Variants in CACNA1E observed in about 807,000 individuals in gnomAD.
CACNA1E encodes the protein voltage-dependent R-type calcium channel subunit alpha-1E.
Under a neutral mutation model 259.2 loss-of-function variants are expected in CACNA1E, and 40 were observed. That is an observed-to-expected ratio of 0.15 (90% confidence interval 0.12 to 0.20). CACNA1E has a LOEUF of 0.20. CACNA1E is among the 10% of genes least tolerant of loss of function. CACNA1E has a pLI of 1.00. For missense variants in CACNA1E, 1,874 were observed against 3,040.1 expected (o/e 0.62, Z 9.02); for synonymous variants, 1,104 against 1,138.5 (o/e 0.97, Z 0.61).
In CACNA1E at chr1:181,609,549, A is replaced by G. The variant is rs150000757; in HGVS notation, c.951+28773A>G. Among the ~76,000 whole-genome samples the G allele has an allele frequency of 3.3e-5, 5 of 152,274 alleles. No individual in the cohort carries two copies. The East Asian group carries it at 9.7e-4, about 29-fold the overall frequency. On this transcript the variant is annotated intron_variant, in intron 6 of 47. Coordinates refer to ENST00000367573, the MANE Select transcript of CACNA1E (RefSeq NM_001205293.3). ...AAGAGAAGGAAAAGAACAGAGTGAAAAGGCACACCGGTTTCAGTGTGGCAG... is the reference window on the plus strand; with the variant it reads ...AAGAGAAGGAAAAGAACAGAGTGAAGAGGCACACCGGTTTCAGTGTGGCAG...
rs141269509 is a variant in CACNA1E, at chr1:181,466,061, T to G, written c.435-17683T>G. On this transcript the variant is annotated intron_variant, in intron 2 of 11. Transcript: ENST00000524607. ...GAGTTTTGATTTCTCAGGGTTTTGC[T>G]TTTTCTCATTCACTCAGAGACAGAA... 1.3e-4 allele frequency among the ~76,000 whole-genome samples: 20 copies of G among 152,366 alleles called. No homozygotes were observed. In the East Asian group the frequency reaches 3.7e-3, roughly 28 times the overall value.
At chr1:181,609,019 G>T (rs1017907463) in intron 6 of CACNA1E, among the ~76,000 whole-genome samples, 2 of 152,170 alleles carry the variant, frequency 1.3e-5, no homozygotes, top group African/African-American at 4.8e-5. Flanking sequence ...CCAGAGCTGG[G>T]CCCCCAGTAT....
intron 6 of CACNA1E, among the ~76,000 whole-genome samples, chr1:181,625,598 G>A (rs1656126782): frequency 6.6e-6 from 1 of 152,134 alleles, no homozygotes; most frequent in Non-Finnish European, 1.5e-5. Flanking sequence ...AGCCTTCACA[G>A]AATTGAGGAG....
In CACNA1E at chr1:181,518,550, G is replaced by A. The variant is rs189896098; in HGVS notation, c.512+7040G>A. 1.6e-3 allele frequency among the ~76,000 whole-genome samples: 251 copies of A among 152,328 alleles called. 2 individuals carry two copies. Among genetic ancestry groups the A allele is most frequent in the African/African-American group, 5.4e-3 (224 of 41,570 alleles). ...CAAAAGACAAAATGTGAAGCTTAAAGGTCTCTTCTTAGCTCTGTGCTGCTG... is the reference window on the plus strand; with the variant it reads ...CAAAAGACAAAATGTGAAGCTTAAAAGTCTCTTCTTAGCTCTGTGCTGCTG... On this transcript the variant is annotated intron_variant, in intron 3 of 47. Transcript: ENST00000367573.
intron 3 of CACNA1E, among the ~76,000 whole-genome samples, chr1:181,553,081 T>G (rs994473180): frequency 2.0e-5 from 3 of 152,232 alleles, no homozygotes; most frequent in Non-Finnish European, 4.4e-5. Flanking sequence ...ATCTAGAAAT[T>G]ACTTTGGGCA....
chr1:181,623,526 T>G (rs529474665), intron 6 of CACNA1E, among the ~76,000 whole-genome samples: 2 of 152,308 alleles, frequency 1.3e-5, no homozygotes, highest in Non-Finnish European at 2.9e-5. Context: ...TTGAAAAAAT[T>G]GAACAGCAAT....
intron 1 of CACNA1E, among the ~76,000 whole-genome samples, chr1:181,497,326 CT>C (rs1385422428): frequency 1.3e-5 from 2 of 152,200 alleles, no homozygotes; most frequent in East Asian, 3.8e-4. Flanking sequence ...CTTCTAACAG[CT>C]TTCTATACTT....
chr1:181,466,610 C>T (rs1662177655), intron 2 of CACNA1E, among the ~76,000 whole-genome samples: 1 of 151,940 alleles, frequency 6.6e-6, no homozygotes, highest in Non-Finnish European at 1.5e-5. Flanking sequence ...CATAAAAAAC[C>T]CAACCCATTA....
At chr1:181,629,226 G>A (rs943414458) in intron 6 of CACNA1E, among the ~76,000 whole-genome samples, 2 of 152,198 alleles carry the variant, frequency 1.3e-5, no homozygotes, top group Non-Finnish European at 2.9e-5. Flanking sequence ...TGGTGTTGAG[G>A]AGTTTCAGTC....
chr1:181,784,592 T>C, intron 40 of CACNA1E, 69 bp from the exon 41 acceptor site: 1 of 1,075,350 alleles, frequency 9.3e-7, no homozygotes. Flanking sequence ...AGCTCCTACC[T>C]TCACCTCCTC....
chr1:181,724,449 A>G (rs1178219410), intron 16 of CACNA1E, 21 bp from the exon 17 acceptor site: 1 of 1,608,034 alleles, frequency 6.2e-7, no homozygotes, highest in Non-Finnish European at 8.5e-7. Context: ...TTATTTGCCC[A>G]TCCTTAATTC....
At chr1:181,382,184 G>C (rs775086679) in intron 1 of CACNA1E, among the ~76,000 whole-genome samples, 1 of 152,320 alleles carries the variant, frequency 6.6e-6, no homozygotes, top group African/African-American at 2.4e-5. Flanking sequence ...AGTGTTCCAG[G>C]CTGAGGAACA....
chr1:181,612,171 G>A (rs1654808241), intron 6 of CACNA1E, among the ~76,000 whole-genome samples: 1 of 152,198 alleles, frequency 6.6e-6, no homozygotes, highest in South Asian at 2.1e-4. Context: ...GAATAGGTAG[G>A]ACCCATCCCA....
chr1:181,751,932 C>T lies in CACNA1E; in HGVS notation c.3732-211C>T, dbSNP rs527697577. On this transcript the variant is annotated intron_variant, in intron 26 of 47. Coordinates refer to ENST00000367573, the MANE Select transcript of CACNA1E (RefSeq NM_001205293.3). ...ACGTGCATGTGGATGTGTGTTCATG[C>T]GTGCACACTGGGAAGTGATTTGAGA... is the stretch of plus-strand genomic sequence containing the variant. The T allele has an allele frequency of 2.5e-5, 17 of 679,036 alleles. 1 individual carries two copies. Among genetic ancestry groups the T allele is most frequent in the African/African-American group, 8.8e-5 (5 of 56,790 alleles). 42.1% of individuals were successfully genotyped at this position (679,036 alleles called of 1,614,324 possible). A position where few individuals can be genotyped will look rare whatever the true frequency, so the allele number is the denominator to read the frequency against.
At chr1:181,352,038 A>G (rs1416640638) in intron 1 of CACNA1E, among the ~76,000 whole-genome samples, 1 of 152,232 alleles carries the variant, frequency 6.6e-6, no homozygotes, top group Non-Finnish European at 1.5e-5. Flanking sequence ...AGTGCTGGAC[A>G]TTCAATATGC....
intron 7 of CACNA1E, among the ~76,000 whole-genome samples, chr1:181,672,932 C>G (rs1267721220): frequency 6.6e-6 from 1 of 152,114 alleles, no homozygotes; most frequent in African/African-American, 2.4e-5. Flanking sequence ...ATTTGTTGGA[C>G]TTAACTAGCT....
chr1:181,681,230 A>AC (rs768482642), intron 7 of CACNA1E, among the ~76,000 whole-genome samples: 1 of 151,840 alleles, frequency 6.6e-6, no homozygotes, highest in Non-Finnish European at 1.5e-5. Flanking sequence ...TGTCCTTGTG[A>AC]CCCTCAGATC....
intron 11 of CACNA1E, among the ~76,000 whole-genome samples, chr1:181,717,613 T>C (rs2253388): frequency 0.6 from 90,927 of 151,942 alleles, 30,170 homozygotes; most frequent in East Asian, 0.77. Context: ...ATTGAAATCC[T>C]GGGCAGGAAG....
chr1:181,319,154 G>C (rs571620789), intron 1 of CACNA1E, among the ~76,000 whole-genome samples: 2 of 152,164 alleles, frequency 1.3e-5, no homozygotes, highest in Non-Finnish European at 2.9e-5. Flanking sequence ...GGGGCTTGTC[G>C]TAATGGTTCA....
Sources: allele counts gnomAD v4.1 joint callset (sites outside exome capture counted in the v4.1 genomes callset), GRCh38; gene constraint gnomAD v4.1.1; transcripts MANE v1.5; gene names NCBI Gene and HGNC (gene_info 2026-07-23, HGNC 2026-07-21).